Variants in IL34 observed in about 807,000 individuals in gnomAD.
IL34 encodes interleukin 34.
Under a neutral mutation model 25.3 loss-of-function variants are expected in IL34, and 17 were observed. The ratio of observed to expected loss-of-function variants is 0.67; its 90% CI spans 0.46 to 1.01. The LOEUF is 1.01. Among genes scored for constraint, IL34 ranks in the 50% least tolerant of loss-of-function variants. IL34 has a pLI of 0.00. For synonymous variants in IL34, 174 were observed against 140.9 expected, an observed-to-expected ratio of 1.23 and a Z score of -1.66; for missense variants, 368 against 312.9, an observed-to-expected ratio of 1.18 and a Z score of -1.33.
intron 1 of IL34, among the ~76,000 whole-genome samples, chr16:70,630,266 GTC>G (rs745675024): frequency 2.2e-4 from 34 of 152,060 alleles, no homozygotes; most frequent in East Asian, 7.7e-4. Context: ...TGGAGATGGA[GTC>G]TCTCTGTCGC....
At chr16:70,631,713 A>G (rs2051521937) in intron 1 of IL34, among the ~76,000 whole-genome samples, 2 of 152,164 alleles carry the variant, frequency 1.3e-5, no homozygotes, top group African/African-American at 2.4e-5. Flanking sequence ...TCACTGGAGA[A>G]TATGGTACTT....
chr16:70,590,152 C>T (rs1026476726), intron 1 of IL34, among the ~76,000 whole-genome samples: 2 of 152,212 alleles, frequency 1.3e-5, no homozygotes, highest in Admixed American at 6.5e-5. Context: ...CTGCTCACGG[C>T]GGGAGAGGGC....
intron 1 of IL34, among the ~76,000 whole-genome samples, chr16:70,599,348 T>C (rs537546695): frequency 3.3e-5 from 5 of 150,326 alleles, no homozygotes; most frequent in Non-Finnish European, 7.4e-5. Flanking sequence ...TTTCTCTCTT[T>C]CTTTCTCTCT....
rs753344320 is a variant in IL34, at chr16:70,659,693, C to T, written c.478C>T (p.Arg160Trp). Residue 160 changes from arginine to tryptophan, a missense_variant, in exon 5 of 6, where the codon CGG becomes TGG. Coordinates refer to ENST00000288098, the MANE Select transcript of IL34 (RefSeq NM_001393494.1). The part of the protein sequence containing the change: ...NAPGPNLKLV[R>W]PKALLDNCFR... Reference sequence around the variant, plus strand: ...CCCAGGGCCAAACCTGAAGCTGGTGCGGCCCAAAGCCCTGCTGGACAACTG... The same window carrying T: ...CCCAGGGCCAAACCTGAAGCTGGTGTGGCCCAAAGCCCTGCTGGACAACTG... 31 of 1,611,692 alleles carry T rather than the reference C, an allele frequency of 1.9e-5. No individual in the cohort carries two copies. The highest frequency in any genetic ancestry group is 1.1e-4 in the East Asian group (5 of 44,826).
chr16:70,606,449 G>C (rs1464477807), intron 1 of IL34, among the ~76,000 whole-genome samples: 1 of 152,022 alleles, frequency 6.6e-6, no homozygotes, highest in Non-Finnish European at 1.5e-5. Context: ...TCAAGATAGT[G>C]AACCTATTAA....
chr16:70,619,502 C>T (rs1286250014), intron 1 of IL34, among the ~76,000 whole-genome samples: 1 of 152,026 alleles, frequency 6.6e-6, no homozygotes, highest in Non-Finnish European at 1.5e-5. Flanking sequence ...CCTAAGTTGG[C>T]ACCAGAGTTG....
In IL34 at chr16:70,589,124, G is replaced by C. The variant is rs181783704; in HGVS notation, c.-401+9075G>C. ...AGGCAGGAGAATCGCTTGAACCCGG[G>C]AGGTGGAGGTTGCAGTGAGCCAAGG... is the stretch of plus-strand genomic sequence containing the variant. On this transcript the variant is annotated intron_variant, in intron 1 of 6. Transcript: ENST00000429149. Among the ~76,000 whole-genome samples, 171 of 152,218 alleles carry C rather than the reference G, an allele frequency of 1.1e-3. 1 individual carries two copies. The highest frequency in any genetic ancestry group is 2.0e-3 in the Non-Finnish European group (135 of 68,012).
At chr16:70,603,923 C>T (rs2050958588) in intron 1 of IL34, among the ~76,000 whole-genome samples, 1 of 152,118 alleles carries the variant, frequency 6.6e-6, no homozygotes. Context: ...TATGGACATA[C>T]CACAATTTTT....
chr16:70,609,516 T>C (rs1005101213), intron 1 of IL34, among the ~76,000 whole-genome samples: 1 of 151,996 alleles, frequency 6.6e-6, no homozygotes, highest in Non-Finnish European at 1.5e-5. Flanking sequence ...GCTTCCAGGA[T>C]AAATTAATGT....
At chr16:70,616,688 A>G (rs1276874029) in intron 1 of IL34, among the ~76,000 whole-genome samples, 2 of 152,160 alleles carry the variant, frequency 1.3e-5, no homozygotes, top group African/African-American at 2.4e-5. Context: ...CTCACACAGT[A>G]CATTCTCAAG....
intron 1 of IL34, among the ~76,000 whole-genome samples, chr16:70,582,487 CTT>C (rs1297720092): frequency 2.0e-5 from 3 of 152,270 alleles, no homozygotes; most frequent in Admixed American, 6.5e-5. Context: ...GGCCACACCA[CTT>C]TCCACATGTG....
chr16:70,619,155 T>A (rs561967725), intron 1 of IL34, among the ~76,000 whole-genome samples: 25 of 152,326 alleles, frequency 1.6e-4, no homozygotes, highest in African/African-American at 5.8e-4. Context: ...AAGGCCATGC[T>A]GTAGCAGACG....
intron 1 of IL34, among the ~76,000 whole-genome samples, chr16:70,649,953 T>C (rs1028350836): frequency 3.3e-5 from 5 of 152,174 alleles, no homozygotes; most frequent in Admixed American, 2.0e-4. Context: ...CACCTGCCAC[T>C]GCGCCTGGCT....
intron 2 of IL34, 71 bp from the exon 3 acceptor site, chr16:70,656,531 A>G (rs746665279): frequency 1.2e-6 from 1 of 851,106 alleles, no homozygotes. Flanking sequence ...AAAAAACATC[A>G]TTTGGGAGGT....
chr16:70,656,545 G>T, intron 2 of IL34, 57 bp from the exon 3 acceptor site: 1 of 874,538 alleles, frequency 1.1e-6, no homozygotes, highest in Non-Finnish European at 2.0e-6. Flanking sequence ...GGGAGGTTGG[G>T]GAGCCTGCTG....
chr16:70,644,234 T>C (rs2051853176), upstream of IL34, among the ~76,000 whole-genome samples: 1 of 152,204 alleles, frequency 6.6e-6, no homozygotes, highest in Admixed American at 6.5e-5. Flanking sequence ...TGGAAATAAC[T>C]TTTTTGTTTT....
intron 1 of IL34, among the ~76,000 whole-genome samples, chr16:70,628,675 T>TG (rs756605055): frequency 3.9e-4 from 59 of 151,770 alleles, no homozygotes; most frequent in Admixed American, 5.3e-4. Context: ...TTAGTAGAGA[T>TG]GGGGTCTCAC....
chr16:70,638,117 A>G (rs2051697181), intron 1 of IL34, among the ~76,000 whole-genome samples: 1 of 152,216 alleles, frequency 6.6e-6, no homozygotes, highest in African/African-American at 2.4e-5. Context: ...GCACTCTGCC[A>G]GAAGCCATGG....
chr16:70,599,605 C>A (rs2050886046), intron 1 of IL34, among the ~76,000 whole-genome samples: 1 of 151,292 alleles, frequency 6.6e-6, no homozygotes, highest in African/African-American at 2.4e-5. Context: ...GAACTCCTGA[C>A]CTTCAGGTGA....
Sources: allele counts gnomAD v4.1 joint callset (sites outside exome capture counted in the v4.1 genomes callset), GRCh38; gene constraint gnomAD v4.1.1; transcripts MANE v1.5; gene names NCBI Gene and HGNC (gene_info 2026-07-23, HGNC 2026-07-21).